Variants in GAA observed in about 807,000 individuals in gnomAD.
The protein encoded by GAA is alpha glucosidase.
A neutral mutation model predicts 103.9 loss-of-function variants in GAA; 88 were observed. The observed-to-expected ratio is 0.85, with a 90% CI of 0.71 to 1.01. The LOEUF is 1.01. GAA is among the 50% of genes least tolerant of loss of function. The probability of loss-of-function intolerance (pLI) is 0.00; values close to 1 mark genes in which losing one functional copy is unlikely to be tolerated. For missense variants in GAA, 1,350 were observed against 1,305.3 expected (o/e 1.03, Z -0.53); for synonymous variants, 572 against 563.1 (o/e 1.02, Z -0.22).
rs1378637239 is a variant in GAA, at chr17:80,109,929, G to T, written c.1327-16G>T. On this transcript the variant is annotated splice_polypyrimidine_tract_variant and intron_variant, in intron 8 of 19. Coordinates refer to ENST00000302262, the MANE Select transcript of GAA (RefSeq NM_000152.5). Reference sequence around the variant, plus strand: ...CTCTGGGCCACCCTCACCTTGACAGGTTTCCCTCTTCCCAGGATCCTGCCA... The same window carrying T: ...CTCTGGGCCACCCTCACCTTGACAGTTTTCCCTCTTCCCAGGATCCTGCCA... 6.2e-7 allele frequency: 1 copy of T among 1,608,014 alleles called. No individual in the cohort carries two copies. The highest frequency in any genetic ancestry group is 1.7e-5 in the Admixed American group (1 of 59,974).
chr17:80,114,279 G>A (rs149499029), intron 15 of GAA, among the ~76,000 whole-genome samples: 4 of 152,268 alleles, frequency 2.6e-5, no homozygotes, highest in South Asian at 2.1e-4. Context: ...GTAAGACCAA[G>A]ACTAAGAACC....
rs2039032465 is a variant in GAA at position 80,104,788 on chromosome 17, G to T, written c.202G>T (p.Ala68Ser). ...AGCCAGCAGACCAGGGCCCCGGGAT[G>T]CCCAGGCACACCCCGGCCGTCCCAG... ...QGASRPGPRD[A>S]QAHPGRPRAV... The change falls in exon 2 of 20, where the codon GCC becomes TCC. Residue 68 changes from alanine (A) to serine (S), a missense_variant. Physicochemically the swap from Ala to Ser is moderately conservative, Grantham distance 99. Coordinates refer to ENST00000302262, the MANE Select transcript of GAA (RefSeq NM_000152.5). The surrounding 1 kb of genome is among the most constrained non-coding windows in gnomAD (Gnocchi z 4.0). The T allele has an allele frequency of 1.2e-6, 2 of 1,611,950 alleles. No individual in the cohort carries two copies. The highest frequency in any genetic ancestry group is 2.7e-5 in the African/African-American group (2 of 75,022).
intron 15 of GAA, 114 bp downstream of exon 15, chr17:80,113,480 C>T (rs1013126514): frequency 4.2e-5 from 43 of 1,030,700 alleles, no homozygotes; most frequent in East Asian, 2.9e-4. Flanking sequence ...AGCAGGTTGC[C>T]GCTGAGTGAG....
At chr17:80,105,653 G>T in intron 2 of GAA, 96 bp from the exon 3 acceptor site, 1 of 1,424,922 alleles carries the variant, frequency 7.0e-7, no homozygotes. Context: ...ATCCATGTGT[G>T]GCTGCACCAG....
chr17:80,117,785 C>A, intron 17 of GAA, 36 bp downstream of exon 17: 1 of 1,580,446 alleles, frequency 6.3e-7, no homozygotes, highest in Non-Finnish European at 8.6e-7. Context: ...GGGGTGTGGA[C>A]AGCACACTGC....
At chr17:80,110,156 A>C in intron 9 of GAA, 101 bp downstream of exon 9, 1 of 925,104 alleles carries the variant, frequency 1.1e-6, no homozygotes. Context: ...AGGAGCCATC[A>C]CGCCCAGTGG....
chr17:80,108,458 C>T, intron 6 of GAA, 31 bp from the exon 7 acceptor site: 1 of 1,613,234 alleles, frequency 6.2e-7, no homozygotes, highest in Middle Eastern at 1.6e-4. Flanking sequence ...CTCCCTCCTC[C>T]CTCCCTCATG....
At chr17:80,109,797 G>A in intron 8 of GAA, 148 bp from the exon 9 acceptor site, 1 of 622,480 alleles carries the variant, frequency 1.6e-6, no homozygotes, top group Admixed American at 2.8e-5. Flanking sequence ...AGGCAGGCGT[G>A]TGCAGGCATG....
Position 80,108,508 on chromosome 17 carries a change from A to C in GAA, c.1095A>C (p.Pro365=), listed in dbSNP as rs1555600060. The change falls in exon 7 of 20, where the codon CCA becomes CCC. Residue 365 remains proline, a synonymous_variant. Transcript: ENST00000302262. ...LDVVGYPFMP[P]YWGLGFHLCR... is the part of the protein sequence containing the mutation. The stretch of plus-strand genomic sequence containing the variant: ...CTGCAGGATACCCGTTCATGCCGCC[A>C]TACTGGGGCCTGGGCTTCCACCTGT... 6.2e-7 allele frequency: 1 copy of C among 1,613,094 alleles called. No homozygotes were observed. Among genetic ancestry groups the C allele is most frequent in the Non-Finnish European group, 8.5e-7 (1 of 1,179,978 alleles).
rs182680067 is a variant in GAA at position 80,108,044 on chromosome 17, A to G, written c.955+148A>G. 3.6e-5 allele frequency: 37 copies of G among 1,027,916 alleles called. 1 individual carries two copies. The highest frequency in any genetic ancestry group is 2.5e-4 in the South Asian group (17 of 68,118). The allele number at this position is 1,027,916 out of a possible 1,614,324, so 63.7% of individuals were successfully genotyped here. A position where few individuals can be genotyped will look rare whatever the true frequency, so the allele number is the denominator to read the frequency against. On this transcript the variant is annotated intron_variant, in intron 5 of 19. Coordinates refer to ENST00000302262, the MANE Select transcript of GAA (RefSeq NM_000152.5). The stretch of plus-strand genomic sequence containing the variant: ...GTCCTATGGGCTGATGCCTCTCCCA[A>G]CTCTGGCCTTCTGTGCTCCTAAGGA...
At chr17:80,107,927 G>A (rs889519232) in intron 5 of GAA, 31 bp downstream of exon 5, 22 of 1,570,978 alleles carry the variant, frequency 1.4e-5, no homozygotes, top group Middle Eastern at 2.0e-4. Flanking sequence ...CGCCCGGGCC[G>A]GGGTCTCCTC....
At chr17:80,116,092 T>G (rs150126237) in intron 15 of GAA, among the ~76,000 whole-genome samples, 14 of 152,336 alleles carry the variant, frequency 9.2e-5, no homozygotes, top group African/African-American at 2.9e-4. Flanking sequence ...TGAGAGGGGC[T>G]TACTCCACCA....
At chr17:80,111,735 T>G (rs1007933689) in intron 11 of GAA, 3 of 551,874 alleles carry the variant, frequency 5.4e-6, no homozygotes, top group African/African-American at 3.8e-5. Flanking sequence ...ATGTGAAGTC[T>G]GGGGGTCTGC....
At chr17:80,117,824 G>T in intron 17 of GAA, 75 bp downstream of exon 17, 1 of 1,468,092 alleles carries the variant, frequency 6.8e-7, no homozygotes, top group East Asian at 2.3e-5. Context: ...GGGAGATGGT[G>T]GGGGAGAGGC....
chr17:80,107,567 A>G lies in GAA; in HGVS notation c.703A>G (p.Thr235Ala), dbSNP rs781731240. 1 of 1,612,982 alleles carries G rather than the reference A, an allele frequency of 6.2e-7. No individual in the cohort carries two copies. Among genetic ancestry groups the G allele is most frequent in the Non-Finnish European group, 8.5e-7 (1 of 1,179,866 alleles). The change falls in exon 4 of 20, where the codon ACG (threonine) becomes GCG (alanine). Residue 235 changes from threonine (T) to alanine (A), a missense_variant. Physicochemically the swap from Thr to Ala is moderately conservative, Grantham distance 58 (BLOSUM62 0). Coordinates refer to ENST00000302262, the MANE Select transcript of GAA (RefSeq NM_000152.5). ...QLDGRVLLNT[T>A]VAPLFFADQF... Reference sequence around the variant, plus strand: ...GCCTCTGTCCCGCAGGCTGAACACGACGGTGGCGCCCCTGTTCTTTGCGGA... The same window carrying G: ...GCCTCTGTCCCGCAGGCTGAACACGGCGGTGGCGCCCCTGTTCTTTGCGGA...
In GAA at chr17:80,104,528, T is replaced by G; in HGVS notation, c.-32-27T>G. 2 of 1,533,912 alleles carry G rather than the reference T, an allele frequency of 1.3e-6. No individual in the cohort carries two copies. The highest frequency in any genetic ancestry group is 1.2e-5 in the South Asian group (1 of 82,714). ...GTGAGTGCCGCCCCTCCCGCCTCCC[T>G]GCTGAGCCCGCTTTCTTCTCCCGCA... On this transcript the variant is annotated intron_variant, in intron 1 of 19. Transcript: ENST00000302262. This position sits in a 1 kb window ranked among gnomAD's most constrained non-coding sequence, Gnocchi z 4.0.
At chr17:80,105,169 G>T in intron 2 of GAA, 37 bp downstream of exon 2, 1 of 1,575,014 alleles carries the variant, frequency 6.3e-7, no homozygotes, top group Non-Finnish European at 8.6e-7. Flanking sequence ...GGCCAGGGCA[G>T]AGGGTGCGCG....
chr17:80,116,639 G>A (rs1017724888), intron 15 of GAA, among the ~76,000 whole-genome samples: 5 of 152,250 alleles, frequency 3.3e-5, no homozygotes, highest in African/African-American at 1.2e-4. Context: ...TGACTGATGA[G>A]CACATGCTGC....
At chr17:80,113,407 G>A in intron 15 of GAA, 41 bp downstream of exon 15, 1 of 1,494,218 alleles carries the variant, frequency 6.7e-7, no homozygotes, top group African/African-American at 1.4e-5. Context: ...TGTGTGCCCT[G>A]GGGGAGGGGC....
Sources: gnomAD v4.1 joint callset for allele counts (sites outside exome capture counted in the v4.1 genomes callset) on GRCh38, gnomAD v4.1.1 for gene constraint, Gnocchi (gnomAD v3.1) non-coding constraint, MANE v1.5 for transcripts, NCBI Gene and HGNC (gene_info 2026-07-23, HGNC 2026-07-21) for gene names.